Variants in INPP5B observed in about 807,000 individuals in gnomAD.
INPP5B encodes the protein inositol polyphosphate-5-phosphatase B, also known as type II inositol 1,4,5-trisphosphate 5-phosphatase.
In INPP5B, 90 loss-of-function variants were observed where a neutral mutation model predicts 118.5. That is an observed-to-expected ratio of 0.76 (90% CI 0.64 to 0.90). The LOEUF is 0.90. Ranked by LOEUF, INPP5B falls within the 40% of genes least tolerant of loss-of-function variation. The pLI, the probability that INPP5B is intolerant of heterozygous loss-of-function variation, is 0.00. For missense variants in INPP5B, 984 were observed against 1,125.6 expected (o/e 0.87, Z 1.80); for synonymous variants, 385 against 418.9 (o/e 0.92, Z 0.99).
intron 7 of INPP5B, among the ~76,000 whole-genome samples, chr1:37,911,366 C>T (rs575871310): frequency 2.0e-4 from 31 of 152,274 alleles, no homozygotes; most frequent in Non-Finnish European, 3.7e-4. Flanking sequence ...CACATTATTC[C>T]GGATACCACA....
chr1:37,903,427 GAAATA>G, intron 7 of INPP5B, among the ~76,000 whole-genome samples: 1 of 152,068 alleles, frequency 6.6e-6, no homozygotes, highest in Non-Finnish European at 1.5e-5. Context: ...ATACAATCAA[GAAATA>G]AAATAAAAAT....
At chr1:37,876,735 G>T (rs759209090) in intron 16 of INPP5B, among the ~76,000 whole-genome samples, 11 of 148,852 alleles carry the variant, frequency 7.4e-5, no homozygotes, top group Non-Finnish European at 1.6e-4. Context: ...CATTAGCCGG[G>T]TGTGGTGGCG....
At chr1:37,873,228 G>C in intron 18 of INPP5B, 63 bp from the exon 19 acceptor site, 7 of 1,164,612 alleles carry the variant, frequency 6.0e-6, no homozygotes, top group Non-Finnish European at 9.0e-6. Flanking sequence ...GGGAAAGAAG[G>C]CAGGAGGGAA....
chr1:37,884,636 CAT>C (rs1242292206), intron 13 of INPP5B, among the ~76,000 whole-genome samples: 1 of 152,018 alleles, frequency 6.6e-6, no homozygotes, highest in Admixed American at 6.6e-5. Flanking sequence ...GATTCTCACA[CAT>C]GTTGATAAAA....
chr1:37,890,699 T>A (rs1258349856), intron 8 of INPP5B, among the ~76,000 whole-genome samples: 1 of 151,800 alleles, frequency 6.6e-6, no homozygotes, highest in Non-Finnish European at 1.5e-5. Context: ...AATGAAAGAG[T>A]GAAATCAAAC....
chr1:37,889,031 T>C (rs1643694002), intron 9 of INPP5B, among the ~76,000 whole-genome samples: 1 of 152,152 alleles, frequency 6.6e-6, no homozygotes. Flanking sequence ...GGCGGGAGGA[T>C]TGCCCAAGCC....
chr1:37,910,278 T>A (rs1644649323), intron 7 of INPP5B, among the ~76,000 whole-genome samples: 1 of 152,188 alleles, frequency 6.6e-6, no homozygotes, highest in African/African-American at 2.4e-5. Context: ...TTCCCTTGCC[T>A]CCATAACTGT....
intron 1 of INPP5B, among the ~76,000 whole-genome samples, chr1:37,946,632 G>A (rs918513124): frequency 1.3e-5 from 2 of 152,126 alleles, no homozygotes; most frequent in Admixed American, 6.5e-5. Context: ...AGTGGGGTAC[G>A]TGGATTGGAG....
At position 37,862,301 on chromosome 1, in the gene INPP5B, G is replaced by T; in HGVS notation, c.*14C>A. 1 of 1,552,834 alleles carries T rather than the reference G, an allele frequency of 6.4e-7. No individual in the cohort carries two copies. Among genetic ancestry groups the T allele is most frequent in the African/African-American group, 1.4e-5 (1 of 73,386 alleles). On this transcript the variant is annotated 3_prime_UTR_variant, in exon 24 of 24. Transcript: ENST00000373024. ...TAATTGGCAGCCTCAAGTAAAATAG[G>T]AGGAGAGAGAGGCTCAGAGTGGGTT...
intron 9 of INPP5B, 100 bp from the exon 10 acceptor site, chr1:37,888,444 T>C (rs1643661203): frequency 1.5e-6 from 1 of 671,476 alleles, no homozygotes; most frequent in Non-Finnish European, 2.3e-6. Context: ...CTCTGTGGAC[T>C]GGCATTTTGA....
chr1:37,943,748 TG>T lies in INPP5B; in HGVS notation c.250+47del, dbSNP rs562209966. The T allele has an allele frequency of 1.2e-3, 1,883 of 1,610,638 alleles. 2 individuals carry two copies. Among genetic ancestry groups the T allele is most frequent in the Non-Finnish European group, 1.4e-3 (1,650 of 1,176,914 alleles). ...CCCCCCATCAAGGACAAAGATGAGC[TG>T]GGGGGCCCATAGGAGAGGATTCATA... On this transcript the variant is annotated intron_variant, in intron 4 of 23. Coordinates refer to ENST00000373024, the MANE Select transcript of INPP5B (RefSeq NM_005540.3).
intron 7 of INPP5B, among the ~76,000 whole-genome samples, chr1:37,895,774 T>C (rs1252178925): frequency 4.5e-4 from 69 of 152,200 alleles, no homozygotes; most frequent in Admixed American, 2.4e-3. Context: ...CTCGGCCTCC[T>C]GAGGTGCCGG....
chr1:37,872,646 A>G (rs1216119228), intron 19 of INPP5B, among the ~76,000 whole-genome samples: 2 of 151,236 alleles, frequency 1.3e-5, no homozygotes, highest in African/African-American at 2.4e-5. Flanking sequence ...CCCTCCGGCC[A>G]TCACAGCTGC....
intron 7 of INPP5B, among the ~76,000 whole-genome samples, chr1:37,908,203 T>C (rs559157591): frequency 6.6e-6 from 1 of 152,268 alleles, no homozygotes; most frequent in South Asian, 2.1e-4. Flanking sequence ...CGTGTGACAT[T>C]TGGTGCCAAA....
chr1:37,913,112 C>T (rs1258598995), intron 7 of INPP5B, among the ~76,000 whole-genome samples: 1 of 152,098 alleles, frequency 6.6e-6, no homozygotes, highest in Non-Finnish European at 1.5e-5. Flanking sequence ...AAAAACTTAG[C>T]TGGGCGTGGT....
At chr1:37,924,878 A>G (rs958854385) in intron 7 of INPP5B, among the ~76,000 whole-genome samples, 1 of 152,116 alleles carries the variant, frequency 6.6e-6, no homozygotes, top group African/African-American at 2.4e-5. Flanking sequence ...TCTCTACTAA[A>G]AATATAAAAA....
At chr1:37,865,654 A>T (rs1383452983) in intron 22 of INPP5B, 107 bp downstream of exon 22, 7 of 1,225,012 alleles carry the variant, frequency 5.7e-6, no homozygotes. Context: ...AGGAAAGATA[A>T]GGTGTTCAGT....
chr1:37,873,905 GC>G (rs1642628478), intron 18 of INPP5B, 87 bp downstream of exon 18: 1 of 1,061,608 alleles, frequency 9.4e-7, no homozygotes, highest in Admixed American at 3.2e-5. Flanking sequence ...AAACACTCAA[GC>G]AAAAAGCTCA....
chr1:37,938,358 G>A (rs1258694231), intron 6 of INPP5B, among the ~76,000 whole-genome samples: 2 of 152,104 alleles, frequency 1.3e-5, no homozygotes. Context: ...GAGATAATGT[G>A]TGAAAAGTTC....
Sources: gnomAD v4.1 joint callset for allele counts (sites outside exome capture counted in the v4.1 genomes callset) on GRCh38, gnomAD v4.1.1 for gene constraint, MANE v1.5 for transcripts, NCBI Gene and HGNC (gene_info 2026-07-23, HGNC 2026-07-21) for gene names.